Variants in PLEKHA7 observed in about 807,000 individuals in gnomAD.
PLEKHA7 encodes pleckstrin homology domain containing A7.
A neutral mutation model predicts 170.0 loss-of-function variants in PLEKHA7; 104 were observed. The observed-to-expected ratio is 0.61, with a 90% CI of 0.52 to 0.72. The LOEUF is 0.72. PLEKHA7 is among the 30% of genes least tolerant of loss of function. PLEKHA7 has a pLI of 0.00. For synonymous variants in PLEKHA7, 648 were observed against 660.8 expected, an observed-to-expected ratio of 0.98 and a Z score of 0.30; for missense variants, 1,615 against 1,671.7, an observed-to-expected ratio of 0.97 and a Z score of 0.59.
intron 17 of PLEKHA7, among the ~76,000 whole-genome samples, chr11:16,799,319 T>A: frequency 6.6e-6 from 1 of 152,214 alleles, no homozygotes; most frequent in Non-Finnish European, 1.5e-5. Flanking sequence ...ATTCTATGCA[T>A]GTGCATATTT....
At chr11:16,935,331 GT>G (rs1311490109) in intron 3 of PLEKHA7, among the ~76,000 whole-genome samples, 7 of 152,210 alleles carry the variant, frequency 4.6e-5, no homozygotes, top group African/African-American at 1.7e-4. Context: ...TACTCGGGAG[GT>G]TGAGGCAGAA....
chr11:16,902,017 C>A (rs1857374103), intron 3 of PLEKHA7, among the ~76,000 whole-genome samples: 1 of 152,210 alleles, frequency 6.6e-6, no homozygotes. Flanking sequence ...CAGCCCTAGG[C>A]AGCCATAAAT....
intron 3 of PLEKHA7, among the ~76,000 whole-genome samples, chr11:16,931,794 G>T (rs1463540693): frequency 1.4e-5 from 2 of 147,470 alleles, no homozygotes; most frequent in African/African-American, 5.1e-5. Flanking sequence ...AGAAGAAGAA[G>T]CTGAACAGAA....
At chr11:16,929,123 T>G (rs754262832) in intron 3 of PLEKHA7, among the ~76,000 whole-genome samples, 1 of 152,124 alleles carries the variant, frequency 6.6e-6, no homozygotes, top group African/African-American at 2.4e-5. Context: ...AAAAAGAAAC[T>G]ATGCCTTGAC....
At chr11:16,987,349 G>C (rs955418885) in intron 3 of PLEKHA7, among the ~76,000 whole-genome samples, 7 of 150,470 alleles carry the variant, frequency 4.7e-5, no homozygotes, top group African/African-American at 1.7e-4. Flanking sequence ...CTTTGACCTC[G>C]GAAAGGAGAC....
chr11:16,872,423 T>A (rs1446787353), intron 3 of PLEKHA7, among the ~76,000 whole-genome samples: 2 of 152,210 alleles, frequency 1.3e-5, no homozygotes, highest in Non-Finnish European at 2.9e-5. Context: ...TATATAAAAA[T>A]CTGTCCTGCT....
intron 13 of PLEKHA7, among the ~76,000 whole-genome samples, chr11:16,805,804 AAAAC>A (rs1233691243): frequency 6.9e-6 from 1 of 144,058 alleles, no homozygotes; most frequent in African/African-American, 2.9e-5. Flanking sequence ...AAAAAAAAAA[AAAAC>A]AAAAACAAAA....
intron 3 of PLEKHA7, among the ~76,000 whole-genome samples, chr11:16,935,952 G>A (rs1004003783): frequency 6.6e-6 from 1 of 152,190 alleles, no homozygotes; most frequent in African/African-American, 2.4e-5. Context: ...ATTATGCCTT[G>A]TTGCAGTTTG....
chr11:16,891,330 T>C (rs930377816), intron 3 of PLEKHA7, among the ~76,000 whole-genome samples: 5 of 152,128 alleles, frequency 3.3e-5, no homozygotes, highest in African/African-American at 1.2e-4. Context: ...TAGAGAGCCA[T>C]ATGAAGACAG....
chr11:16,971,053 C>A (rs1468862658), intron 3 of PLEKHA7, among the ~76,000 whole-genome samples: 1 of 152,190 alleles, frequency 6.6e-6, no homozygotes, highest in Non-Finnish European at 1.5e-5. Context: ...CTTTTCTGAT[C>A]TGAGCATAGC....
chr11:16,792,223 T>A (rs1378018937), intron 19 of PLEKHA7, among the ~76,000 whole-genome samples: 6 of 152,148 alleles, frequency 3.9e-5, no homozygotes, highest in African/African-American at 7.2e-5. Context: ...AAGATAAACA[T>A]AAAACATTGA....
intron 3 of PLEKHA7, among the ~76,000 whole-genome samples, chr11:16,996,768 C>A (rs1165922173): frequency 6.6e-6 from 1 of 152,094 alleles, no homozygotes; most frequent in Non-Finnish European, 1.5e-5. Flanking sequence ...AACCCCGTCT[C>A]TACTAAAAAT....
chr11:16,920,623 C>T (rs1175971959), intron 3 of PLEKHA7, among the ~76,000 whole-genome samples: 1 of 152,160 alleles, frequency 6.6e-6, no homozygotes, highest in Non-Finnish European at 1.5e-5. Context: ...GACCACTTGC[C>T]TCTGAGTCCG....
At position 16,816,791 on chromosome 11, in the gene PLEKHA7, G is replaced by C. The variant is rs753562596; in HGVS notation, c.1866+9C>G. On this transcript the variant is annotated intron_variant, in intron 11 of 26. Transcript: ENST00000531066. The stretch of plus-strand genomic sequence containing the variant: ...ACCCAGCAGCCTGGCAGAGCTTCCC[G>C]AGCCTCACCTTGACAGCGTGGCCCC... The C allele has an allele frequency of 1.9e-6, 3 of 1,611,828 alleles. No homozygotes were observed. The highest frequency in any genetic ancestry group is 2.5e-6 in the Non-Finnish European group (3 of 1,178,996).
Position 16,783,728 on chromosome 11 carries a change from T to C in PLEKHA7, c.3622A>G (p.Lys1208Glu), listed in dbSNP as rs758729415. The C allele has an allele frequency of 4.0e-6, 6 of 1,489,002 alleles. No individual in the cohort carries two copies. The South Asian group carries it at 7.8e-5, about 19-fold the overall frequency. 92.2% of individuals were successfully genotyped at this position (1,489,002 alleles called of 1,614,324 possible). ...GACCGGGCGAGGATGTTGCGGATCT[T>C]CTCGGCTTTGCGGTACCGCGCCTGC... ...ELQARYRKAE[K>E]IRNILARSSM... The change falls in exon 25 of 27, where the codon AAG (lysine) becomes GAG (glutamate). Residue 1208 changes from lysine (K) to glutamate (E), a missense_variant. By Grantham distance (56) the Lys-to-Glu change is moderately conservative. Transcript: ENST00000531066.
Position 16,817,230 on chromosome 11 carries a change from T to A in PLEKHA7, c.1436A>T (p.His479Leu), listed in dbSNP as rs778102341. The change falls in exon 11 of 27, where the codon CAC becomes CTC. Residue 479 changes from histidine to leucine, a missense_variant. Coordinates refer to ENST00000531066, the MANE Select transcript of PLEKHA7 (RefSeq NM_001329630.2). This position sits in a 1 kb window ranked among gnomAD's most constrained non-coding sequence, Gnocchi z 4.4. ...NYQTLPKSTR[H>L]PSGGSSPPPR... Reference sequence around the variant, plus strand: ...AGGTGGCGAGGAGCCCCCCGAGGGGTGTCGGGTGCTCTTGGGAAGAGTCTG... The same window carrying A: ...AGGTGGCGAGGAGCCCCCCGAGGGGAGTCGGGTGCTCTTGGGAAGAGTCTG... 6.2e-7 allele frequency: 1 copy of A among 1,613,524 alleles called. No individual in the cohort carries two copies. Among genetic ancestry groups the A allele is most frequent in the African/African-American group, 1.3e-5 (1 of 74,852 alleles).
intron 26 of PLEKHA7, among the ~76,000 whole-genome samples, chr11:16,779,977 G>C (rs1012394214): frequency 1.4e-5 from 1 of 69,790 alleles, no homozygotes; most frequent in Non-Finnish European, 3.4e-5. Context: ...CTCTAAAACG[G>C]GGAGGGGGGG....
At chr11:16,992,639 C>T (rs1353088826) in intron 3 of PLEKHA7, among the ~76,000 whole-genome samples, 3 of 151,264 alleles carry the variant, frequency 2.0e-5, no homozygotes, top group Non-Finnish European at 1.5e-5. Flanking sequence ...ACCTGTAGTC[C>T]CAGCTACATG....
chr11:16,790,914 A>G lies in PLEKHA7; in HGVS notation c.2936T>C (p.Val979Ala). The G allele has an allele frequency of 1.2e-6, 2 of 1,613,442 alleles. No individual in the cohort carries two copies. The highest frequency in any genetic ancestry group is 2.2e-5 in the South Asian group (2 of 91,028). The change falls in exon 21 of 27, where the codon GTG (valine) becomes GCG (alanine). Residue 979 changes from valine (V) to alanine (A), a missense_variant and splice_region_variant. By Grantham distance (64) the Val-to-Ala change is moderately conservative (BLOSUM62 0). Transcript: ENST00000531066. ...LGQCVNGDSR[V>A]ELRSYVSEPE... is the part of the protein sequence containing the mutation. Reference sequence around the variant, plus strand: ...CTCACTGACATACGACCGCAGCTCCACCTGTGGGCAGAGTCCCAGGTGATG... The same window carrying G: ...CTCACTGACATACGACCGCAGCTCCGCCTGTGGGCAGAGTCCCAGGTGATG...
Sources: gnomAD v4.1 joint callset for allele counts (sites outside exome capture counted in the v4.1 genomes callset) on GRCh38, gnomAD v4.1.1 for gene constraint, Gnocchi (gnomAD v3.1) non-coding constraint, MANE v1.5 for transcripts, NCBI Gene and HGNC (gene_info 2026-07-23, HGNC 2026-07-21) for gene names.